MRC2: variants seen among roughly 807,000 people sequenced by gnomAD.
MRC2 encodes the protein mannose receptor C-type 2.
Under a neutral mutation model 206.2 loss-of-function variants are expected in MRC2, and 84 were observed. That is an observed-to-expected ratio of 0.41 (90% CI 0.34 to 0.49). The LOEUF is 0.49. Among genes scored for constraint, MRC2 ranks in the 20% least tolerant of loss-of-function variants. The pLI is 0.31. For missense variants in MRC2, 1,676 were observed against 2,001.5 expected (o/e 0.84, Z 3.10); for synonymous variants, 798 against 800.0 (o/e 1.00, Z 0.04).
At chr17:62,634,190 C>G (rs1221595296) in intron 1 of MRC2, among the ~76,000 whole-genome samples, 2 of 152,110 alleles carry the variant, frequency 1.3e-5, no homozygotes, top group Non-Finnish European at 2.9e-5. Context: ...AAGGTAATTT[C>G]TTGACGTTGC....
rs139757838 is a variant in MRC2 at position 62,639,109 on chromosome 17, C to T, written c.118+11189C>T. 3.2e-3 allele frequency among the ~76,000 whole-genome samples: 488 copies of T among 152,216 alleles called. 4 individuals are homozygous for T. Among genetic ancestry groups the T allele is most frequent in the African/African-American group, 0.011 (439 of 41,532 alleles). On this transcript the variant is annotated intron_variant, in intron 1 of 29. Transcript: ENST00000303375. ...CAGCACTTTGGGAGGCCAAGGCAGG[C>T]GGATCACCTGAGGTCAGGAGTTTTG...
rs777765751 is a variant in MRC2, at chr17:62,681,951, G to C, written c.2803+14G>C. ...CAGCCAGCCGAGGTGAGGGCAAGGTGGGGGCAGAGTGCGCAGTCAGCTGTG... is the reference window on the plus strand; with the variant it reads ...CAGCCAGCCGAGGTGAGGGCAAGGTCGGGGCAGAGTGCGCAGTCAGCTGTG... On this transcript the variant is annotated intron_variant, in intron 19 of 29. Transcript: ENST00000303375. 6 of 1,609,662 alleles carry C rather than the reference G, an allele frequency of 3.7e-6. No individual in the cohort carries two copies. In the Admixed American group the frequency reaches 1.0e-4, roughly 27 times the overall value.
At chr17:62,645,044 A>T (rs1035613425) in intron 1 of MRC2, among the ~76,000 whole-genome samples, 24 of 152,192 alleles carry the variant, frequency 1.6e-4, no homozygotes, top group African/African-American at 5.8e-4. Flanking sequence ...TATAAACATG[A>T]AATGACAGTA....
At position 62,677,491 on chromosome 17, in the gene MRC2, G is replaced by A; in HGVS notation, c.2052+5G>A. 6.3e-7 allele frequency: 1 copy of A among 1,588,588 alleles called. No individual in the cohort carries two copies. The highest frequency in any genetic ancestry group is 8.6e-7 in the Non-Finnish European group (1 of 1,162,280). ...AAACTCCGGTATTGCTATAAGGTAG[G>A]GCAGCCTGTTGGCCGGGTAGGGGGC... On this transcript the variant is annotated splice_donor_5th_base_variant and intron_variant, in intron 12 of 29. Transcript: ENST00000303375.
Position 62,674,224 on chromosome 17 carries a change from C to T in MRC2, c.1569+54C>T, listed in dbSNP as rs2088862056. The T allele has an allele frequency of 3.0e-6, 4 of 1,347,124 alleles. No homozygotes were observed. The Admixed American group carries it at 9.4e-5, about 32-fold the overall frequency. The allele number at this position is 1,347,124 out of a possible 1,614,324, so 83.4% of individuals were successfully genotyped here. A position where few individuals can be genotyped will look rare whatever the true frequency, so the allele number is the denominator to read the frequency against. ...TGGGGCCACCTGTCAGAGGGGCTACCAGGGGAGGGAGAGGTGGATGAACTC... is the reference window on the plus strand; with the variant it reads ...TGGGGCCACCTGTCAGAGGGGCTACTAGGGGAGGGAGAGGTGGATGAACTC... On this transcript the variant is annotated intron_variant, in intron 9 of 29. Coordinates refer to ENST00000303375, the MANE Select transcript of MRC2 (RefSeq NM_006039.5).
At chr17:62,684,883 G>A (rs2465452) in intron 20 of MRC2, among the ~76,000 whole-genome samples, 129,102 of 152,170 alleles carry the variant, frequency 0.85, 57,831 homozygotes, top group Non-Finnish European at 0.98. Context: ...GCTCATGCCT[G>A]TAATCCCAGC....
In MRC2 at chr17:62,679,918, G is replaced by T. The variant is rs994919986; in HGVS notation, c.2298+16G>T. ...CGGCGTAGGGGTGAGGGGGCCTGGG[G>T]TACTTGGGACTGCGAGGCCGGGAGC... On this transcript the variant is annotated intron_variant, in intron 14 of 29. Coordinates refer to ENST00000303375, the MANE Select transcript of MRC2 (RefSeq NM_006039.5). 6.3e-7 allele frequency: 1 copy of T among 1,590,776 alleles called. No homozygotes were observed. The highest frequency in any genetic ancestry group is 8.6e-7 in the Non-Finnish European group (1 of 1,166,986).
At position 62,678,626 on chromosome 17, in the gene MRC2, C is replaced by A. The variant is rs2088923463; in HGVS notation, c.2175C>A (p.Asn725Lys). The A allele has an allele frequency of 1.2e-6, 2 of 1,611,676 alleles. No homozygotes were observed. The highest frequency in any genetic ancestry group is 1.7e-6 in the Non-Finnish European group (2 of 1,179,170). Reference protein sequence around the residue: ...ASYEEEHFVANMLNKIFGESE... With the variant: ...ASYEEEHFVAKMLNKIFGESE... ...ACGAGGAGGAGCACTTTGTGGCCAA[C>A]ATGCTCAACAAGATCTTCGGGTACT... The change falls in exon 13 of 30, where the codon AAC becomes AAA. Residue 725 changes from asparagine to lysine, a missense_variant. Physicochemically the swap from Asn to Lys is moderately conservative, Grantham distance 94 (BLOSUM62 0). This residue lies in a region of MRC2 where 1,354 missense variants were observed against 1,636.6 expected (regional missense o/e 0.83). Transcript: ENST00000303375.
chr17:62,691,910 C>T (rs1161130986), intron 28 of MRC2, among the ~76,000 whole-genome samples: 1 of 152,132 alleles, frequency 6.6e-6, no homozygotes, highest in Non-Finnish European at 1.5e-5. Context: ...TGCAGCATGG[C>T]GTTTTCCCTT....
chr17:62,682,406 G>T, intron 20 of MRC2, 29 bp downstream of exon 20: 1 of 1,592,688 alleles, frequency 6.3e-7, no homozygotes, highest in South Asian at 1.1e-5. Context: ...GCACCCAAGG[G>T]AGTCAGGGGA....
intron 2 of MRC2, among the ~76,000 whole-genome samples, chr17:62,665,778 AT>A (rs2088744993): frequency 6.6e-6 from 1 of 152,174 alleles, no homozygotes; most frequent in Non-Finnish European, 1.5e-5. Context: ...CTGAGCAGAG[AT>A]TCCACCGGGC....
intron 1 of MRC2, among the ~76,000 whole-genome samples, chr17:62,654,831 T>C (rs1294656212): frequency 6.6e-6 from 1 of 152,198 alleles, no homozygotes; most frequent in Admixed American, 6.5e-5. Context: ...ACAAGAAGTG[T>C]GGACTACATC....
intron 1 of MRC2, among the ~76,000 whole-genome samples, chr17:62,639,138 C>T (rs577272838): frequency 2.0e-5 from 3 of 152,226 alleles, no homozygotes; most frequent in African/African-American, 7.2e-5. Context: ...AGTTTTGAGA[C>T]CATCCTGGCC....
Position 62,680,149 on chromosome 17 carries a change from C to T in MRC2, c.2299-21C>T. Reference sequence around the variant, plus strand: ...GCACCTTGCGCCTCACGTTCCTCTTCCCTCCACCCGCCTCCTCCAGTTCTC... The same window carrying T: ...GCACCTTGCGCCTCACGTTCCTCTTTCCTCCACCCGCCTCCTCCAGTTCTC... On this transcript the variant is annotated intron_variant, in intron 14 of 29. Coordinates refer to ENST00000303375, the MANE Select transcript of MRC2 (RefSeq NM_006039.5). The surrounding 1 kb of genome is among the most constrained non-coding windows in gnomAD (Gnocchi z 4.8). 2 of 1,613,928 alleles carry T rather than the reference C, an allele frequency of 1.2e-6. No homozygotes were observed. The highest frequency in any genetic ancestry group is 2.2e-5 in the East Asian group (1 of 44,870).
At position 62,680,730 on chromosome 17, in the gene MRC2, C is replaced by A; in HGVS notation, c.2474-70C>A. 1.4e-6 allele frequency: 2 copies of A among 1,411,044 alleles called. No individual in the cohort carries two copies. The highest frequency in any genetic ancestry group is 6.4e-5 in the Admixed American group (2 of 31,376). 87.4% of individuals were successfully genotyped at this position (1,411,044 alleles called of 1,614,324 possible). ...GCCTGGCTCTGCCCCGGCCCTGCCGCGCCCGCCTCCGGGGCCTGGCGTGCA... is the reference window on the plus strand; with the variant it reads ...GCCTGGCTCTGCCCCGGCCCTGCCGAGCCCGCCTCCGGGGCCTGGCGTGCA... On this transcript the variant is annotated intron_variant, in intron 16 of 29. Coordinates refer to ENST00000303375, the MANE Select transcript of MRC2 (RefSeq NM_006039.5). This position sits in a 1 kb window ranked among gnomAD's most constrained non-coding sequence, Gnocchi z 4.8.
Position 62,690,665 on chromosome 17 carries a change from C to A in MRC2, c.3916C>A (p.Leu1306Met), listed in dbSNP as rs1463998775. 1.8e-5 allele frequency: 29 copies of A among 1,612,404 alleles called. No homozygotes were observed. Among genetic ancestry groups the A allele is most frequent in the Non-Finnish European group, 2.4e-5 (28 of 1,179,290 alleles). ...AGCGGGTGGGGCCGTCCTGTCTATC[C>A]TGGATGAGATGGAGAATGTGTTTGT... ...QRAGGAVLSI[L>M]DEMENVFVWE... The change falls in exon 27 of 30, where the codon CTG (leucine) becomes ATG (methionine). Residue 1306 changes from leucine (L) to methionine (M), a missense_variant. Physicochemically the swap from Leu to Met is conservative, Grantham distance 15. This residue lies in a region of MRC2 where 1,354 missense variants were observed against 1,636.6 expected (regional missense o/e 0.83). Transcript: ENST00000303375.
At chr17:62,674,956 A>C (rs1172815156) in intron 9 of MRC2, among the ~76,000 whole-genome samples, 2 of 152,056 alleles carry the variant, frequency 1.3e-5, no homozygotes, top group Non-Finnish European at 2.9e-5. Flanking sequence ...TGGACCCCAA[A>C]GCCTCCCCCA....
intron 1 of MRC2, among the ~76,000 whole-genome samples, chr17:62,633,645 C>G (rs2088273957): frequency 6.7e-6 from 1 of 148,412 alleles, no homozygotes; most frequent in South Asian, 2.1e-4. Context: ...TCAAGACCAA[C>G]TTGGGCAACA....
At chr17:62,655,772 T>C (rs530332344) in intron 1 of MRC2, among the ~76,000 whole-genome samples, 9 of 151,460 alleles carry the variant, frequency 5.9e-5, no homozygotes, top group African/African-American at 2.2e-4. Flanking sequence ...GAAAGAAATA[T>C]TTCTATCACA....
Sources: gnomAD v4.1 joint callset for allele counts (sites outside exome capture counted in the v4.1 genomes callset) on GRCh38, gnomAD v4.1.1 for gene constraint, gnomAD v4.1.1 regional missense constraint, Gnocchi (gnomAD v3.1) non-coding constraint, MANE v1.5 for transcripts, NCBI Gene and HGNC (gene_info 2026-07-23, HGNC 2026-07-21) for gene names.